SPRN: variants seen among roughly 807,000 people sequenced by gnomAD.
SPRN encodes the protein hypothetical protein BC004409.
For missense variants in SPRN, 312 were observed against 241.4 expected (o/e 1.29, Z -1.94); for synonymous variants, 182 against 123.4 (o/e 1.48, Z -3.15).
rs938660255 is a variant in SPRN, at chr10:133,423,608, T to C, written c.74A>G (p.Lys25Arg). ...GCCCCGCGCACCTCCGCGGCCGCCC[T>C]TGGCTGCGCCGCTGTCGCAGAGGAA... ...AAFLCDSGAA[K>R]GGRGGARGSA... The change falls in exon 2 of 2, where the codon AAG becomes AGG. Residue 25 changes from lysine to arginine, a missense_variant. By Grantham distance (26) the Lys-to-Arg change is conservative. Transcript: ENST00000685335. 9 of 1,535,850 alleles carry C rather than the reference T, an allele frequency of 5.9e-6. No individual in the cohort carries two copies. Among genetic ancestry groups the C allele is most frequent in the Admixed American group, 1.9e-5 (1 of 51,866 alleles).
Position 133,422,333 on chromosome 10 carries a change from C to T in SPRN, c.*893G>A, listed in dbSNP as rs1222332282. The T allele has an allele frequency of 6.6e-6, 1 of 152,388 alleles. No individual in the cohort carries two copies. The highest frequency in any genetic ancestry group is 1.5e-5 in the Non-Finnish European group (1 of 68,190). The allele number at this position is 152,388 out of a possible 1,614,324, so 9.4% of individuals were successfully genotyped here. On this transcript the variant is annotated 3_prime_UTR_variant, in exon 2 of 2. Coordinates refer to ENST00000685335, the MANE Select transcript of SPRN (RefSeq NM_001391974.1). ...GCTGCCTTCAGGGAAATGCGTGCAC[C>T]GTGCAGCCTGTGCTGTGCCCAGGGA...
rs1589923240 is a variant in SPRN, at chr10:133,422,956, G to C, written c.*270C>G. 2.7e-6 allele frequency: 1 copy of C among 367,810 alleles called. No homozygotes were observed. 22.8% of individuals were successfully genotyped at this position (367,810 alleles called of 1,614,324 possible). A position where few individuals can be genotyped will look rare whatever the true frequency, so the allele number is the denominator to read the frequency against. On this transcript the variant is annotated 3_prime_UTR_variant, in exon 2 of 2. Transcript: ENST00000685335. ...GAGCGTGGCTGGGCGGTTGGTACAG[G>C]AGCCACAGGCAGCTGCCTTTTTGGC...
At position 133,420,774 on chromosome 10, in the gene SPRN, T is replaced by C. The variant is rs1288982046; in HGVS notation, c.*2452A>G. On this transcript the variant is annotated 3_prime_UTR_variant, in exon 2 of 2. Transcript: ENST00000685335. ...CTTCGCCCCTCAGTGCCCTGGGGCA[T>C]GTTCAGGGCAGGGTTGAGGGGGACG... is the stretch of plus-strand genomic sequence containing the variant. 3 of 152,594 alleles carry C rather than the reference T, an allele frequency of 2.0e-5. No individual in the cohort carries two copies. In the East Asian group the frequency reaches 5.8e-4, roughly 30 times the overall value. The allele number at this position is 152,594 out of a possible 1,614,324, so 9.5% of individuals were successfully genotyped here.
chr10:133,421,703 C>CAG lies in SPRN; in HGVS notation c.*1522_*1523insCT, dbSNP rs1850238493. ...CTAGAGAGCAGTGCTTGGTTGAGTC[C>CAG]TGCCAACAGCTTCCAGATCCTCACC... On this transcript the variant is annotated 3_prime_UTR_variant, in exon 2 of 2. Transcript: ENST00000685335. 1.3e-5 allele frequency: 2 copies of CAG among 152,966 alleles called. No individual in the cohort carries two copies. The highest frequency in any genetic ancestry group is 1.3e-4 in the Admixed American group (2 of 15,286). The allele number at this position is 152,966 out of a possible 1,614,324, so 9.5% of individuals were successfully genotyped here.
At chr10:133,423,840 T>C in intron 1 of SPRN, 143 bp from the exon 2 acceptor site, 1 of 503,412 alleles carries the variant, frequency 2.0e-6, no homozygotes, top group South Asian at 4.0e-5. Flanking sequence ...CACTGAGGCC[T>C]GGGGGGGCGC....
Position 133,423,315 on chromosome 10 carries a change from AC to A in SPRN, c.366del (p.Trp123GlyfsTer94). On this transcript the variant is annotated frameshift_variant, in exon 2 of 2. Transcript: ENST00000685335. LOFTEE classifies it low-confidence loss of function (END_TRUNC). ...CGCGTGGGTCCAGCGCCCGAAGTCC[AC>A]GCCCGGTAGCTGTAGATGCCGGGGC... ...GTGPGIYSYRAWTSGAGPTRG... is the reference protein window; with the variant it reads ...GTGPGIYSYRXWTSGAGPTRG... 2.6e-6 allele frequency: 4 copies of A among 1,522,064 alleles called. No individual in the cohort carries two copies. Among genetic ancestry groups the A allele is most frequent in the Non-Finnish European group, 3.5e-6 (4 of 1,140,132 alleles). 94.3% of individuals were successfully genotyped at this position (1,522,064 alleles called of 1,614,324 possible).
rs1175211615 is a variant in SPRN, at chr10:133,423,324, A to T, written c.358T>A (p.Tyr120Asn). 3 of 1,522,564 alleles carry T rather than the reference A, an allele frequency of 2.0e-6. No individual in the cohort carries two copies. The highest frequency in any genetic ancestry group is 3.6e-4 in the Middle Eastern group (2 of 5,556). The allele number at this position is 1,522,564 out of a possible 1,614,324, so 94.3% of individuals were successfully genotyped here. Residue 120 changes from tyrosine to asparagine, a missense_variant, in exon 2 of 2, where the codon TAC becomes AAC. By Grantham distance (143) the Tyr-to-Asn change is moderately radical. Transcript: ENST00000685335. ...CCAGCGCCCGAAGTCCACGCCCGGT[A>T]GCTGTAGATGCCGGGGCCTGTCCCG... The part of the protein sequence containing the change: ...GNGTGPGIYS[Y>N]RAWTSGAGPT...
At chr10:133,424,113 C>T (rs1850315644) in intron 1 of SPRN, among the ~76,000 whole-genome samples, 1 of 130,034 alleles carries the variant, frequency 7.7e-6, no homozygotes, top group South Asian at 2.9e-4. Context: ...GACGCGGTAG[C>T]CGGGACCAAG....
In SPRN at chr10:133,422,059, C is replaced by T. The variant is rs780912755; in HGVS notation, c.*1167G>A. On this transcript the variant is annotated 3_prime_UTR_variant, in exon 2 of 2. Transcript: ENST00000685335. ...GGGCTGGTCTTAACACAGGTGTGTCCAGTGCTGGAGGCAAGTCCTTGTCGT... is the reference window on the plus strand; with the variant it reads ...GGGCTGGTCTTAACACAGGTGTGTCTAGTGCTGGAGGCAAGTCCTTGTCGT... 2.7e-4 allele frequency: 41 copies of T among 153,144 alleles called. No homozygotes were observed. The highest frequency in any genetic ancestry group is 4.5e-4 in the Non-Finnish European group (31 of 68,478). The allele number at this position is 153,144 out of a possible 1,614,324, so 9.5% of individuals were successfully genotyped here.
At position 133,423,238 on chromosome 10, in the gene SPRN, C is replaced by A. The variant is rs1589923407; in HGVS notation, c.444G>T (p.Leu148=). 1.4e-6 allele frequency: 2 copies of A among 1,464,490 alleles called. No homozygotes were observed. Among genetic ancestry groups the A allele is most frequent in the East Asian group, 5.7e-5 (2 of 35,230 alleles). 90.7% of individuals were successfully genotyped at this position (1,464,490 alleles called of 1,614,324 possible). The change falls in exon 2 of 2, where the codon CTG becomes CTT. Residue 148 remains leucine (L), a synonymous_variant. Coordinates refer to ENST00000685335, the MANE Select transcript of SPRN (RefSeq NM_001391974.1). ...AGCCCAGCCAGGCCTAGGGCCGCAG[C>A]AGCCCCAGGGCTCCGAGGGCGCCGC... ...VLGGALGALG[L]LRP is the part of the protein sequence containing the mutation.
In SPRN at chr10:133,423,489, G is replaced by A. The variant is rs964799014; in HGVS notation, c.193C>T (p.Arg65Cys). Residue 65 changes from arginine to cysteine, a missense_variant, in exon 2 of 2, where the codon CGC becomes TGC. Coordinates refer to ENST00000685335, the MANE Select transcript of SPRN (RefSeq NM_001391974.1). ...GCTGCCGCCCCGGCGGCAGCCACGC[G>A]CAGGGAGGAGCCCGGGGCACCGTAG... ...QRYGAPGSSL[R>C]VAAAGAAAGA... The A allele has an allele frequency of 8.6e-7, 1 of 1,160,848 alleles. No individual in the cohort carries two copies. Among genetic ancestry groups the A allele is most frequent in the Non-Finnish European group, 1.1e-6 (1 of 946,842 alleles). 71.9% of individuals were successfully genotyped at this position (1,160,848 alleles called of 1,614,324 possible).
chr10:133,421,968 A>C lies in SPRN; in HGVS notation c.*1258T>G, dbSNP rs1564825645. The C allele has an allele frequency of 6.6e-6, 1 of 152,134 alleles. No individual in the cohort carries two copies. The highest frequency in any genetic ancestry group is 6.7e-5 in the Admixed American group (1 of 14,976). 9.4% of individuals were successfully genotyped at this position (152,134 alleles called of 1,614,324 possible). On this transcript the variant is annotated 3_prime_UTR_variant, in exon 2 of 2. Transcript: ENST00000685335. ...TGACTGGAGAGCTAGAGAACGTGGC[A>C]GACCCAAGACCTCTCAGTGCTGAGC... is the stretch of plus-strand genomic sequence containing the variant.
At position 133,423,169 on chromosome 10, in the gene SPRN, G is replaced by A; in HGVS notation, c.*57C>T. 8 of 1,343,940 alleles carry A rather than the reference G, an allele frequency of 6.0e-6. No homozygotes were observed. The highest frequency in any genetic ancestry group is 7.7e-6 in the Non-Finnish European group (8 of 1,039,612). 83.3% of individuals were successfully genotyped at this position (1,343,940 alleles called of 1,614,324 possible). On this transcript the variant is annotated 3_prime_UTR_variant, in exon 2 of 2. Coordinates refer to ENST00000685335, the MANE Select transcript of SPRN (RefSeq NM_001391974.1). ...GAGGAAGGGGGAGCCCAGGCCGGAG[G>A]ATCCTGGGGGATGGCGCGGGCCGGG...
Position 133,423,011 on chromosome 10 carries a change from G to A in SPRN, c.*215C>T. On this transcript the variant is annotated 3_prime_UTR_variant, in exon 2 of 2. Coordinates refer to ENST00000685335, the MANE Select transcript of SPRN (RefSeq NM_001391974.1). The stretch of plus-strand genomic sequence containing the variant: ...GGGACCCTAACATCCTGGAGTGGGT[G>A]GGGCAGGGCCCATGGTCTCCTCTAG... 1 of 468,840 alleles carries A rather than the reference G, an allele frequency of 2.1e-6. No individual in the cohort carries two copies. Among genetic ancestry groups the A allele is most frequent in the Non-Finnish European group, 3.7e-6 (1 of 268,292 alleles). 29.0% of individuals were successfully genotyped at this position (468,840 alleles called of 1,614,324 possible). A position where few individuals can be genotyped will look rare whatever the true frequency, so the allele number is the denominator to read the frequency against.
rs942633063 is a variant in SPRN at position 133,423,698 on chromosome 10, C to G, written c.-16-1G>C. Reference sequence around the variant, plus strand: ...CCAGTTCATCTTCGTGGGGCTAAACCTGCGGGAAGAGAGGGAAAGGGCCCT... The same window carrying G: ...CCAGTTCATCTTCGTGGGGCTAAACGTGCGGGAAGAGAGGGAAAGGGCCCT... On this transcript the variant is annotated splice_acceptor_variant, in intron 1 of 1. Transcript: ENST00000685335. LOFTEE classifies it low-confidence loss of function (5UTR_SPLICE). 6 of 1,550,832 alleles carry G rather than the reference C, an allele frequency of 3.9e-6. No individual in the cohort carries two copies. In the African/African-American group the frequency reaches 5.5e-5, roughly 14 times the overall value.
rs1454562149 is a variant in SPRN at position 133,423,599 on chromosome 10, C to A, written c.83G>T (p.Arg28Leu). Residue 28 changes from arginine to leucine, a missense_variant, in exon 2 of 2, where the codon CGC becomes CTC. Physicochemically the swap from Arg to Leu is moderately radical, Grantham distance 102. Coordinates refer to ENST00000685335, the MANE Select transcript of SPRN (RefSeq NM_001391974.1). Reference sequence around the variant, plus strand: ...CCGGGCACTGCCCCGCGCACCTCCGCGGCCGCCCTTGGCTGCGCCGCTGTC... The same window carrying A: ...CCGGGCACTGCCCCGCGCACCTCCGAGGCCGCCCTTGGCTGCGCCGCTGTC... ...LCDSGAAKGG[R>L]GGARGSARGG... 6.6e-7 allele frequency: 1 copy of A among 1,508,688 alleles called. No individual in the cohort carries two copies. Among genetic ancestry groups the A allele is most frequent in the Non-Finnish European group, 8.8e-7 (1 of 1,132,654 alleles). 93.5% of individuals were successfully genotyped at this position (1,508,688 alleles called of 1,614,324 possible). A position where few individuals can be genotyped will look rare whatever the true frequency, so the allele number is the denominator to read the frequency against.
At position 133,421,536 on chromosome 10, in the gene SPRN, G is replaced by C. The variant is rs1850235904; in HGVS notation, c.*1690C>G. 2 of 153,132 alleles carry C rather than the reference G, an allele frequency of 1.3e-5. No homozygotes were observed. The highest frequency in any genetic ancestry group is 2.9e-5 in the Non-Finnish European group (2 of 68,430). The allele number at this position is 153,132 out of a possible 1,614,324, so 9.5% of individuals were successfully genotyped here. A position where few individuals can be genotyped will look rare whatever the true frequency, so the allele number is the denominator to read the frequency against. ...CTATGAGGATCTGGGGCAGGGCTTG[G>C]CCTTGGCCTGCTGGTCTTGGAGGCG... On this transcript the variant is annotated 3_prime_UTR_variant, in exon 2 of 2. Transcript: ENST00000685335.
chr10:133,423,102 G>A lies in SPRN; in HGVS notation c.*124C>T. ...GATGGCGGGTCCACAGGGACAGCCA[G>A]CAGCTCCTGCACCCAGTGGGGCTCC... On this transcript the variant is annotated 3_prime_UTR_variant, in exon 2 of 2. Coordinates refer to ENST00000685335, the MANE Select transcript of SPRN (RefSeq NM_001391974.1). The A allele has an allele frequency of 1.9e-6, 2 of 1,035,918 alleles. No homozygotes were observed. Among genetic ancestry groups the A allele is most frequent in the Non-Finnish European group, 2.7e-6 (2 of 741,466 alleles). 64.2% of individuals were successfully genotyped at this position (1,035,918 alleles called of 1,614,324 possible).
chr10:133,423,091 A>G lies in SPRN; in HGVS notation c.*135T>C. 1 of 953,948 alleles carries G rather than the reference A, an allele frequency of 1.0e-6. No individual in the cohort carries two copies. Among genetic ancestry groups the G allele is most frequent in the South Asian group, 1.7e-5 (1 of 57,156 alleles). 59.1% of individuals were successfully genotyped at this position (953,948 alleles called of 1,614,324 possible). On this transcript the variant is annotated 3_prime_UTR_variant, in exon 2 of 2. Transcript: ENST00000685335. Reference sequence around the variant, plus strand: ...GCAGGACGGTGGATGGCGGGTCCACAGGGACAGCCAGCAGCTCCTGCACCC... The same window carrying G: ...GCAGGACGGTGGATGGCGGGTCCACGGGGACAGCCAGCAGCTCCTGCACCC...
Sources: allele counts gnomAD v4.1 joint callset (sites outside exome capture counted in the v4.1 genomes callset), GRCh38; gene constraint gnomAD v4.1.1; transcripts MANE v1.5; gene names NCBI Gene and HGNC (gene_info 2026-07-23, HGNC 2026-07-21).